Variants in CACNA2D4 observed in about 807,000 individuals in gnomAD.
CACNA2D4 encodes calcium voltage-gated channel auxiliary subunit alpha2delta 4.
CACNA2D4 carries 157 observed loss-of-function variants against 163.8 expected under a neutral mutation model. The ratio of observed to expected loss-of-function variants is 0.96; its 90% CI spans 0.84 to 1.09. The LOEUF (loss-of-function observed/expected upper bound fraction) is 1.09. CACNA2D4 is among the 50% of genes least tolerant of loss of function. The probability of loss-of-function intolerance (pLI) is 0.00; values close to 1 mark genes in which losing one functional copy is unlikely to be tolerated. For missense variants in CACNA2D4, 1,410 were observed against 1,479.9 expected (o/e 0.95, Z 0.78); for synonymous variants, 598 against 586.9 (o/e 1.02, Z -0.27).
At chr12:1,866,180 T>C (rs571398284) in intron 18 of CACNA2D4, among the ~76,000 whole-genome samples, 2 of 152,350 alleles carry the variant, frequency 1.3e-5, no homozygotes, top group Non-Finnish European at 2.9e-5. Flanking sequence ...AGAAGTTTCT[T>C]TCTGTTCTTA....
intron 18 of CACNA2D4, among the ~76,000 whole-genome samples, chr12:1,872,316 G>C (rs531768469): frequency 3.9e-5 from 6 of 152,272 alleles, no homozygotes; most frequent in Admixed American, 1.3e-4. Flanking sequence ...GGCCCCATAG[G>C]TTTCTGGGTT....
rs998655862 is a variant in CACNA2D4 at position 1,844,302 on chromosome 12, T to A, written c.2470+100A>T. 71 of 1,393,854 alleles carry A rather than the reference T, an allele frequency of 5.1e-5. No individual in the cohort carries two copies. Among genetic ancestry groups the A allele is most frequent in the Non-Finnish European group, 4.6e-5 (47 of 1,018,348 alleles). 86.3% of individuals were successfully genotyped at this position (1,393,854 alleles called of 1,614,324 possible). On this transcript the variant is annotated intron_variant, in intron 25 of 37. Coordinates refer to ENST00000382722, the MANE Select transcript of CACNA2D4 (RefSeq NM_172364.5). This position sits in a 1 kb window ranked among gnomAD's most constrained non-coding sequence, Gnocchi z 4.2. Reference sequence around the variant, plus strand: ...AACCCTGGTGGTCTGGACATTCTATTCCATATCTCGTTCCCATTTCCCACT... The same window carrying A: ...AACCCTGGTGGTCTGGACATTCTATACCATATCTCGTTCCCATTTCCCACT...
intron 22 of CACNA2D4, 100 bp from the exon 23 acceptor site, chr12:1,854,144 C>A: frequency 1.2e-6 from 1 of 834,304 alleles, no homozygotes; most frequent in Non-Finnish European, 1.8e-6. Flanking sequence ...GCTTCCTGAA[C>A]GTGTCTATGG....
At chr12:1,800,608 C>T (rs1863283200) in intron 31 of CACNA2D4, 170 bp from the exon 32 acceptor site, 2 of 651,048 alleles carry the variant, frequency 3.1e-6, no homozygotes, top group Non-Finnish European at 5.5e-6. Flanking sequence ...CCCCCCACCT[C>T]CCACCTGCCC....
intron 6 of CACNA2D4, among the ~76,000 whole-genome samples, chr12:1,891,683 A>T (rs951315042): frequency 9.1e-4 from 139 of 152,044 alleles, no homozygotes; most frequent in African/African-American, 3.2e-3. Flanking sequence ...GCAAAGAAAT[A>T]AAAAAAACTC....
intron 26 of CACNA2D4, among the ~76,000 whole-genome samples, chr12:1,837,923 C>T (rs1864918469): frequency 6.6e-6 from 1 of 152,218 alleles, no homozygotes; most frequent in Non-Finnish European, 1.5e-5. Context: ...TGGGCCTGTA[C>T]TGAGGCTGAC....
rs991296887 is a variant in CACNA2D4 at position 1,888,874 on chromosome 12, A to G, written c.782-1805T>C. 3.3e-5 allele frequency among the ~76,000 whole-genome samples: 5 copies of G among 152,254 alleles called. No individual in the cohort carries two copies. The East Asian group carries it at 9.6e-4, about 29-fold the overall frequency. ...ATCCAATTCCACAGATCTAGGAAGC[A>G]CAGCGTATCCCAAACAGCATGAATA... On this transcript the variant is annotated intron_variant, in intron 6 of 37. Transcript: ENST00000382722.
In CACNA2D4 at chr12:1,810,556, C is replaced by T; in HGVS notation, c.2645G>A (p.Ser882Asn). ...GGCAGAACTTACACTGTCCTCGCAG[C>T]TCTGTGTGCACGGCCCATCCACAGT... Reference protein sequence around the residue: ...CSTVDGPCTQSCEDSDLDCFV... With the variant: ...CSTVDGPCTQNCEDSDLDCFV... Residue 882 changes from serine to asparagine, a missense_variant, in exon 28 of 38, where the codon AGC becomes AAC. By Grantham distance (46) the Ser-to-Asn change is conservative. Transcript: ENST00000382722. The T allele has an allele frequency of 6.4e-7, 1 of 1,553,704 alleles. No individual in the cohort carries two copies.
At chr12:1,825,444 C>A (rs886947) in intron 26 of CACNA2D4, among the ~76,000 whole-genome samples, 83,851 of 152,122 alleles carry the variant, frequency 0.55, 23,680 homozygotes, top group East Asian at 0.87. Context: ...GGGTTAGGGA[C>A]TGCTCTGCAG....
chr12:1,831,320 C>T (rs1565695943), intron 26 of CACNA2D4: 1 of 1,613,802 alleles, frequency 6.2e-7, no homozygotes, highest in East Asian at 2.2e-5. Context: ...CCATCAACGG[C>T]CTGGCCCAGT....
chr12:1,819,405 A>G (rs1371410404), intron 26 of CACNA2D4, among the ~76,000 whole-genome samples: 1 of 152,154 alleles, frequency 6.6e-6, no homozygotes, highest in Non-Finnish European at 1.5e-5. Context: ...GAGCAGGAGC[A>G]TCCTTCTAGG....
In CACNA2D4 at chr12:1,806,404, G is replaced by C. The variant is rs1863539071; in HGVS notation, c.2721+3874C>G. 1.3e-5 allele frequency among the ~76,000 whole-genome samples: 2 copies of C among 152,166 alleles called. No individual in the cohort carries two copies. The highest frequency in any genetic ancestry group is 2.9e-5 in the Non-Finnish European group (2 of 68,030). On this transcript the variant is annotated intron_variant, in intron 29 of 37. Coordinates refer to ENST00000382722, the MANE Select transcript of CACNA2D4 (RefSeq NM_172364.5). This position sits in a 1 kb window ranked among gnomAD's most constrained non-coding sequence, Gnocchi z 4.1. ...AGGCCTGGAACACCGCCGGTGCCAA[G>C]AAAGAGCCAAGCAGCCACTCCCTGG...
chr12:1,828,672 T>C lies in CACNA2D4; in HGVS notation c.2551+12067A>G, dbSNP rs1864476064. ...GCCAGGAGCTGGGTCAGCTTGGAGA[T>C]GTCTCTTATGCTCCTTATGCCTCCG... On this transcript the variant is annotated intron_variant, in intron 26 of 37. Coordinates refer to ENST00000382722, the MANE Select transcript of CACNA2D4 (RefSeq NM_172364.5). The surrounding 1 kb of genome is among the most constrained non-coding windows in gnomAD (Gnocchi z 4.2). Among the ~76,000 whole-genome samples, 1 of 152,206 alleles carries C rather than the reference T, an allele frequency of 6.6e-6. No homozygotes were observed. The highest frequency in any genetic ancestry group is 2.1e-4 in the South Asian group (1 of 4,828).
chr12:1,855,861 TGGGAA>T, intron 22 of CACNA2D4, 146 bp downstream of exon 22: 1 of 633,590 alleles, frequency 1.6e-6, no homozygotes, highest in Non-Finnish European at 2.8e-6. Context: ...CCTTTTTCTT[TGGGAA>T]TCTCCCTGTT....
rs548363650 is a variant in CACNA2D4, at chr12:1,856,925, T to C, written c.2009-696A>G. Among the ~76,000 whole-genome samples, 87 of 152,262 alleles carry C rather than the reference T, an allele frequency of 5.7e-4. 1 individual carries two copies. Among genetic ancestry groups the C allele is most frequent in the African/African-American group, 2.4e-5 (1 of 41,558 alleles). Reference sequence around the variant, plus strand: ...CCTCACAAGGGCTGCTGCTCTGATGTAGACACAGGGCAAGCAGCTGGAAGG... The same window carrying C: ...CCTCACAAGGGCTGCTGCTCTGATGCAGACACAGGGCAAGCAGCTGGAAGG... On this transcript the variant is annotated intron_variant, in intron 20 of 37. Coordinates refer to ENST00000382722, the MANE Select transcript of CACNA2D4 (RefSeq NM_172364.5).
chr12:1,910,522 G>A (rs1414214853), intron 3 of CACNA2D4, among the ~76,000 whole-genome samples: 1 of 152,184 alleles, frequency 6.6e-6, no homozygotes, highest in Non-Finnish European at 1.5e-5. Flanking sequence ...ACATTTTGCT[G>A]TGAACCTAAA....
At chr12:1,914,435 G>A (rs529160380) in intron 2 of CACNA2D4, among the ~76,000 whole-genome samples, 2 of 152,260 alleles carry the variant, frequency 1.3e-5, no homozygotes, top group Middle Eastern at 3.4e-3. Flanking sequence ...GTCTCCCTGC[G>A]CAGAGGCCAC....
At chr12:1,880,410 G>A (rs563476658) in intron 13 of CACNA2D4, among the ~76,000 whole-genome samples, 291 of 152,362 alleles carry the variant, frequency 1.9e-3, no homozygotes, top group Middle Eastern at 6.8e-3. Context: ...CTTCGGGGCC[G>A]TTCCTAGGAC....
chr12:1,811,695 G>A lies in CACNA2D4; in HGVS notation c.2580C>T (p.Phe860=), dbSNP rs2154445860. The A allele has an allele frequency of 6.4e-7, 1 of 1,561,642 alleles. No homozygotes were observed. Among genetic ancestry groups the A allele is most frequent in the Non-Finnish European group, 8.7e-7 (1 of 1,152,464 alleles). Residue 860 remains phenylalanine (F), a synonymous_variant, in exon 27 of 38, where the codon TTC becomes TTT. Coordinates refer to ENST00000382722, the MANE Select transcript of CACNA2D4 (RefSeq NM_172364.5). ...TTGCCGCCCAGAATTTGCGCTGGAG[G>A]AATTCCAGCTTCATTTGGACGCCCG... ...AAAGVQMKLE[F]LQRKFWAATR...
Sources: gnomAD v4.1 joint callset for allele counts (sites outside exome capture counted in the v4.1 genomes callset) on GRCh38, gnomAD v4.1.1 for gene constraint, Gnocchi (gnomAD v3.1) non-coding constraint, MANE v1.5 for transcripts, NCBI Gene and HGNC (gene_info 2026-07-23, HGNC 2026-07-21) for gene names.